The following THSD7B variants were observed in gnomAD, a reference collection of about 807,000 sequenced individuals.
THSD7B encodes thrombospondin type 1 domain containing 7B, also known as thrombospondin type-1 domain-containing protein 7B.
THSD7B carries 138 observed loss-of-function variants against 213.6 expected under a neutral mutation model. That is an observed-to-expected ratio of 0.65 (90% CI 0.56 to 0.74). The LOEUF is 0.74. Among genes scored for constraint, THSD7B ranks in the 30% least tolerant of loss-of-function variants. The probability of loss-of-function intolerance (pLI) is 0.00; values close to 1 mark genes in which losing one functional copy is unlikely to be tolerated. For missense variants in THSD7B, 1,931 were observed against 1,991.5 expected, an observed-to-expected ratio of 0.97 and a Z score of 0.58; for synonymous variants, 742 against 687.0, an observed-to-expected ratio of 1.08 and a Z score of -1.25.
intron 12 of THSD7B, among the ~76,000 whole-genome samples, chr2:137,358,916 A>G (rs1685194012): frequency 2.0e-5 from 3 of 152,196 alleles, no homozygotes; most frequent in Admixed American, 2.0e-4. Flanking sequence ...TTGTGTTTGT[A>G]GGCTCCCTGA....
At chr2:137,463,311 A>C (rs999177001) in intron 15 of THSD7B, among the ~76,000 whole-genome samples, 1 of 152,134 alleles carries the variant, frequency 6.6e-6, no homozygotes, top group Non-Finnish European at 1.5e-5. Context: ...AATTGGTCCA[A>C]AATTTTATAT....
intron 2 of THSD7B, among the ~76,000 whole-genome samples, chr2:136,946,119 T>A (rs953480790): frequency 6.6e-6 from 1 of 152,214 alleles, no homozygotes; most frequent in African/African-American, 2.4e-5. Context: ...TGGTCTTTGA[T>A]GTTGGTGATC....
intron 1 of THSD7B, among the ~76,000 whole-genome samples, chr2:136,878,553 A>G (rs1683562531): frequency 1.3e-5 from 2 of 151,846 alleles, no homozygotes; most frequent in Admixed American, 1.3e-4. Flanking sequence ...AAGTGTTCCT[A>G]TTTCTCCACA....
chr2:137,420,630 C>T (rs1686903534), intron 14 of THSD7B, among the ~76,000 whole-genome samples: 1 of 152,216 alleles, frequency 6.6e-6, no homozygotes, highest in Non-Finnish European at 1.5e-5. Flanking sequence ...TCTATCATCA[C>T]AAACAGCTGG....
At chr2:137,152,325 G>A (rs1213328579) in intron 5 of THSD7B, among the ~76,000 whole-genome samples, 1 of 151,668 alleles carries the variant, frequency 6.6e-6, no homozygotes, top group Admixed American at 6.6e-5. Flanking sequence ...ATATTTTTTG[G>A]AAGCAGACAA....
At chr2:136,857,075 G>A (rs1350826584) in intron 1 of THSD7B, among the ~76,000 whole-genome samples, 1 of 152,018 alleles carries the variant, frequency 6.6e-6, no homozygotes, top group East Asian at 1.9e-4. Context: ...CATTTTGACT[G>A]TTTTCATTTC....
At chr2:137,337,447 G>A (rs144083465) in intron 12 of THSD7B, among the ~76,000 whole-genome samples, 272 of 152,182 alleles carry the variant, frequency 1.8e-3, no homozygotes, top group African/African-American at 6.2e-3. Context: ...CATCGAATCA[G>A]AAGTTACATG....
intron 1 of THSD7B, among the ~76,000 whole-genome samples, chr2:136,864,746 G>A (rs895622844): frequency 9.2e-5 from 14 of 152,036 alleles, no homozygotes; most frequent in African/African-American, 3.4e-4. Flanking sequence ...TAGAGATGGG[G>A]TTTCCCCATG....
intron 2 of THSD7B, among the ~76,000 whole-genome samples, chr2:136,974,077 C>A (rs1685443508): frequency 6.6e-6 from 1 of 152,124 alleles, no homozygotes; most frequent in African/African-American, 2.4e-5. Context: ...TTATTTTCAT[C>A]TTGCCATTGA....
At chr2:137,211,010 G>A (rs1011417256) in intron 7 of THSD7B, among the ~76,000 whole-genome samples, 12 of 151,838 alleles carry the variant, frequency 7.9e-5, no homozygotes, top group African/African-American at 2.9e-4. Context: ...TTGATTGCAG[G>A]AACATTAACT....
chr2:137,195,244 A>G (rs1389929198), intron 7 of THSD7B, among the ~76,000 whole-genome samples: 1 of 148,946 alleles, frequency 6.7e-6, no homozygotes, highest in African/African-American at 2.6e-5. Flanking sequence ...GTATATATAT[A>G]TATATATACA....
At chr2:137,486,923 T>A (rs1369421990) in intron 15 of THSD7B, among the ~76,000 whole-genome samples, 1 of 152,116 alleles carries the variant, frequency 6.6e-6, no homozygotes, top group Non-Finnish European at 1.5e-5. Flanking sequence ...AAGGCAGAAA[T>A]AAAGATGTTC....
chr2:137,488,147 A>G (rs17741338), intron 15 of THSD7B, among the ~76,000 whole-genome samples: 34,418 of 152,032 alleles, frequency 0.23, 4,050 homozygotes, highest in South Asian at 0.27. Flanking sequence ...AAAATGCTCA[A>G]TACTATCCAG....
intron 17 of THSD7B, among the ~76,000 whole-genome samples, chr2:137,600,288 T>G (rs139517422): frequency 1.6e-4 from 24 of 152,352 alleles, no homozygotes; most frequent in Middle Eastern, 6.8e-3. Flanking sequence ...TATCCAGTCA[T>G]GCGCCACATA....
chr2:137,395,540 T>G (rs1329615092), intron 12 of THSD7B, among the ~76,000 whole-genome samples: 1 of 151,960 alleles, frequency 6.6e-6, no homozygotes, highest in Non-Finnish European at 1.5e-5. Flanking sequence ...ATAAGCTTTT[T>G]GATGTGCTGC....
At chr2:137,644,837 A>G (rs1682999751) in intron 21 of THSD7B, among the ~76,000 whole-genome samples, 1 of 152,202 alleles carries the variant, frequency 6.6e-6, no homozygotes, top group Non-Finnish European at 1.5e-5. Context: ...CTTCACAAGT[A>G]TCAACCCATA....
At chr2:137,492,193 A>G (rs1264634572) in intron 15 of THSD7B, among the ~76,000 whole-genome samples, 1 of 152,222 alleles carries the variant, frequency 6.6e-6, no homozygotes, top group African/African-American at 2.4e-5. Context: ...TTTCTGAACA[A>G]GTTCCAAACC....
At chr2:137,005,181 A>G (rs1686080018) in intron 2 of THSD7B, among the ~76,000 whole-genome samples, 1 of 152,184 alleles carries the variant, frequency 6.6e-6, no homozygotes, top group Admixed American at 6.5e-5. Context: ...GGCTTTTTCA[A>G]TGAAAATGTG....
intron 2 of THSD7B, among the ~76,000 whole-genome samples, chr2:137,012,403 T>G (rs1329867056): frequency 6.6e-6 from 1 of 152,224 alleles, no homozygotes; most frequent in Admixed American, 6.5e-5. Context: ...GCTTGATCTG[T>G]TTTGGTAACA....
Sources: allele counts gnomAD v4.1 joint callset (sites outside exome capture counted in the v4.1 genomes callset), GRCh38; gene constraint gnomAD v4.1.1; transcripts MANE v1.5; gene names NCBI Gene and HGNC (gene_info 2026-07-23, HGNC 2026-07-21).